Variants in ATRNL1 observed in about 807,000 individuals in gnomAD.
ATRNL1 encodes the protein attractin like 1.
Under a neutral mutation model 182.7 loss-of-function variants are expected in ATRNL1, and 95 were observed. The ratio of observed to expected loss-of-function variants is 0.52; its 90% CI spans 0.44 to 0.62. The LOEUF (loss-of-function observed/expected upper bound fraction) is 0.62, where lower values mean the gene tolerates loss of function less well. ATRNL1 is among the 20% of genes least tolerant of loss of function. The pLI is 0.00. For missense variants in ATRNL1, 1,471 were observed against 1,679.5 expected, an observed-to-expected ratio of 0.88 and a Z score of 2.17; for synonymous variants, 576 against 568.3, an observed-to-expected ratio of 1.01 and a Z score of -0.19.
chr10:115,538,936 A>G (rs1355043515), intron 25 of ATRNL1, among the ~76,000 whole-genome samples: 1 of 152,234 alleles, frequency 6.6e-6, no homozygotes, highest in African/African-American at 2.4e-5. Context: ...CCATTGTGTT[A>G]TAATTACCTA....
intron 26 of ATRNL1, among the ~76,000 whole-genome samples, chr10:115,662,685 A>C (rs1555038412): frequency 6.6e-6 from 1 of 152,180 alleles, no homozygotes; most frequent in Non-Finnish European, 1.5e-5. Context: ...ATTTCAAAAT[A>C]CATTTTAAAA....
chr10:115,447,951 A>G (rs1554966963), intron 21 of ATRNL1, among the ~76,000 whole-genome samples: 5 of 151,988 alleles, frequency 3.3e-5, no homozygotes, highest in African/African-American at 1.2e-4. Context: ...TTGAAATACT[A>G]TCTTGTTTTT....
At chr10:115,329,344 A>G (rs1418972181) in intron 18 of ATRNL1, among the ~76,000 whole-genome samples, 1 of 152,152 alleles carries the variant, frequency 6.6e-6, no homozygotes, top group Non-Finnish European at 1.5e-5. Flanking sequence ...GCATTTGAGA[A>G]GAATGTGAAT....
intron 27 of ATRNL1, among the ~76,000 whole-genome samples, chr10:115,787,239 A>G (rs897086638): frequency 6.6e-6 from 1 of 152,166 alleles, no homozygotes; most frequent in Admixed American, 6.5e-5. Flanking sequence ...GTCATTCTTT[A>G]AGAAAAGAAT....
intron 5 of ATRNL1, among the ~76,000 whole-genome samples, chr10:115,133,092 T>C (rs1845331714): frequency 6.6e-6 from 1 of 152,244 alleles, no homozygotes; most frequent in Non-Finnish European, 1.5e-5. Flanking sequence ...TTAATTTATC[T>C]TGAATTATTT....
At chr10:115,666,868 AT>A (rs1214960383) in intron 26 of ATRNL1, among the ~76,000 whole-genome samples, 1 of 152,142 alleles carries the variant, frequency 6.6e-6, no homozygotes, top group Non-Finnish European at 1.5e-5. Context: ...ATTATTTGCA[AT>A]ACTTAAATCC....
intron 4 of ATRNL1, among the ~76,000 whole-genome samples, chr10:115,129,065 GT>G (rs547551244): frequency 5.3e-5 from 8 of 152,266 alleles, no homozygotes; most frequent in Admixed American, 2.6e-4. Flanking sequence ...TCCTGCAGAT[GT>G]TGAGCATGTA....
chr10:115,588,232 T>C (rs11197323), intron 26 of ATRNL1, among the ~76,000 whole-genome samples: 72,390 of 151,902 alleles, frequency 0.48, 18,710 homozygotes, highest in East Asian at 0.84. Context: ...CACCCCCAAC[T>C]CTCACCTCAG....
rs202226744 is a variant in ATRNL1 at position 115,286,387 on chromosome 10, A to G, written c.2405A>G (p.Tyr802Cys). 211 of 1,561,600 alleles carry G rather than the reference A, an allele frequency of 1.4e-4. No homozygotes were observed. Among genetic ancestry groups the G allele is most frequent in the Non-Finnish European group, 1.4e-4 (156 of 1,148,732 alleles). The part of the protein sequence containing the change: ...VEFVLDEIQK[Y>C]TQQKVSPWVG... Reference sequence around the variant, plus strand: ...TTTGTTCTGGATGAAATACAGAAGTATACACAACAGGTAACATTTCTACTT... The same window carrying G: ...TTTGTTCTGGATGAAATACAGAAGTGTACACAACAGGTAACATTTCTACTT... The change falls in exon 15 of 29, where the codon TAT becomes TGT. Residue 802 changes from tyrosine (Y) to cysteine (C), a missense_variant. Transcript: ENST00000355044.
intron 26 of ATRNL1, among the ~76,000 whole-genome samples, chr10:115,680,225 A>G (rs541046561): frequency 5.3e-5 from 8 of 152,080 alleles, no homozygotes; most frequent in Non-Finnish European, 1.0e-4. Context: ...CTTTATATGA[A>G]AAGTGTTTAT....
chr10:115,542,528 T>C (rs1193002299), intron 25 of ATRNL1, among the ~76,000 whole-genome samples: 1 of 152,164 alleles, frequency 6.6e-6, no homozygotes, highest in Non-Finnish European at 1.5e-5. Context: ...GCCTTGGAAC[T>C]GCTGCGTTCA....
intron 10 of ATRNL1, among the ~76,000 whole-genome samples, chr10:115,247,585 T>C (rs1382083969): frequency 1.3e-5 from 2 of 152,190 alleles, no homozygotes; most frequent in Non-Finnish European, 2.9e-5. Flanking sequence ...AAATGTAAGC[T>C]AGTACAGCCA....
intron 26 of ATRNL1, among the ~76,000 whole-genome samples, chr10:115,662,477 A>C (rs1401999421): frequency 1.3e-5 from 2 of 152,106 alleles, no homozygotes; most frequent in African/African-American, 4.8e-5. Flanking sequence ...ACCCAAAATT[A>C]AATTTTATCT....
chr10:115,607,356 C>A (rs782465594), intron 26 of ATRNL1, among the ~76,000 whole-genome samples: 1 of 151,622 alleles, frequency 6.6e-6, no homozygotes, highest in Non-Finnish European at 1.5e-5. Context: ...TATTTGAATT[C>A]TCTGTTTATG....
At chr10:115,872,709 T>C (rs1951613223) in intron 28 of ATRNL1, among the ~76,000 whole-genome samples, 1 of 152,174 alleles carries the variant, frequency 6.6e-6, no homozygotes, top group African/African-American at 2.4e-5. Flanking sequence ...TGAAATAAAG[T>C]GAATATTTGC....
intron 8 of ATRNL1, among the ~76,000 whole-genome samples, chr10:115,215,183 T>C (rs1386392881): frequency 6.6e-6 from 1 of 152,196 alleles, no homozygotes; most frequent in Non-Finnish European, 1.5e-5. Context: ...GGAAATTTTA[T>C]TGTTTAGGTT....
intron 26 of ATRNL1, among the ~76,000 whole-genome samples, chr10:115,554,902 GTTAC>G (rs1460171136): frequency 2.0e-5 from 3 of 151,582 alleles, no homozygotes; most frequent in Non-Finnish European, 4.4e-5. Flanking sequence ...TTTAGACCCA[GTTAC>G]TTAGACTAAA....
At chr10:115,887,242 G>A (rs920363851) in intron 28 of ATRNL1, among the ~76,000 whole-genome samples, 2 of 152,156 alleles carry the variant, frequency 1.3e-5, no homozygotes, top group South Asian at 2.1e-4. Flanking sequence ...TGACCATCTC[G>A]AAGGTGCCCC....
chr10:115,320,265 A>G (rs1368888160), intron 18 of ATRNL1, among the ~76,000 whole-genome samples: 4 of 152,008 alleles, frequency 2.6e-5, no homozygotes, highest in Admixed American at 1.3e-4. Context: ...GAGGTCCACT[A>G]TTAGTCTGTT....
Sources: allele counts gnomAD v4.1 joint callset (sites outside exome capture counted in the v4.1 genomes callset), GRCh38; gene constraint gnomAD v4.1.1; transcripts MANE v1.5; gene names NCBI Gene and HGNC (gene_info 2026-07-23, HGNC 2026-07-21).